CTSS: variants seen among roughly 807,000 people sequenced by gnomAD.
The protein encoded by CTSS is cathepsin S.
A neutral mutation model predicts 39.9 loss-of-function variants in CTSS; 15 were observed. The ratio of observed to expected loss-of-function variants is 0.38; its 90% CI spans 0.25 to 0.58. The LOEUF (loss-of-function observed/expected upper bound fraction) is 0.58. CTSS is among the 20% of genes least tolerant of loss of function. CTSS has a pLI of 0.70. For synonymous variants in CTSS, 126 were observed against 138.2 expected (o/e 0.91, Z 0.62); for missense variants, 250 against 398.2 (o/e 0.63, Z 3.17).
At chr1:150,762,454 G>A (rs587625383) in intron 2 of CTSS, among the ~76,000 whole-genome samples, 22 of 152,108 alleles carry the variant, frequency 1.4e-4, no homozygotes, top group Admixed American at 5.2e-4. Flanking sequence ...AAAAGCTTTC[G>A]TACAATAAAG....
At chr1:150,737,070 T>C (rs1384923122) in intron 7 of CTSS, among the ~76,000 whole-genome samples, 6 of 152,158 alleles carry the variant, frequency 3.9e-5, no homozygotes, top group Non-Finnish European at 7.3e-5. Flanking sequence ...TATCCAGGTA[T>C]GAGTACATCA....
Position 150,749,988 on chromosome 1 carries a change from G to A in CTSS, c.793+18C>T, listed in dbSNP as rs201032560. On this transcript the variant is annotated intron_variant, in intron 6 of 7. Coordinates refer to ENST00000368985, the MANE Select transcript of CTSS (RefSeq NM_004079.5). Reference sequence around the variant, plus strand: ...TTTCTTTCTTTAAATTCTAATTATTGTTTATTTTATTTTTTACCACTTCTG... The same window carrying A: ...TTTCTTTCTTTAAATTCTAATTATTATTTATTTTATTTTTTACCACTTCTG... 1 of 1,574,962 alleles carries A rather than the reference G, an allele frequency of 6.3e-7. No homozygotes were observed. Among genetic ancestry groups the A allele is most frequent in the Non-Finnish European group, 8.7e-7 (1 of 1,155,470 alleles).
rs137874193 is a variant in CTSS, at chr1:150,752,600, C to G, written c.400-592G>C. Among the ~76,000 whole-genome samples, 92 of 152,244 alleles carry G rather than the reference C, an allele frequency of 6.0e-4. No homozygotes were observed. In the Middle Eastern group the frequency reaches 0.01, roughly 17 times the overall value. On this transcript the variant is annotated intron_variant, in intron 4 of 7. Coordinates refer to ENST00000368985, the MANE Select transcript of CTSS (RefSeq NM_004079.5). ...AATTGTTCTCTTTCTCTCTCCTTCC[C>G]TCCTCCCACCTTGCTCTCCACCAAA...
intron 4 of CTSS, 34 bp downstream of exon 4, chr1:150,754,967 C>G: frequency 6.3e-7 from 1 of 1,598,896 alleles, no homozygotes; most frequent in Non-Finnish European, 8.5e-7. Flanking sequence ...AGAGCTCTAC[C>G]TAGGGTTCAG....
intron 2 of CTSS, among the ~76,000 whole-genome samples, chr1:150,763,009 C>T (rs1174691567): frequency 2.6e-5 from 4 of 151,268 alleles, no homozygotes; most frequent in Admixed American, 6.6e-5. Context: ...AGCCAAGATA[C>T]GGAATCAACC....
chr1:150,736,266 A>G (rs1652633979), intron 7 of CTSS, among the ~76,000 whole-genome samples: 1 of 152,188 alleles, frequency 6.6e-6, no homozygotes, highest in Non-Finnish European at 1.5e-5. Flanking sequence ...TGAGGTGAAT[A>G]TTATCTTCTT....
intron 7 of CTSS, among the ~76,000 whole-genome samples, chr1:150,740,006 A>T (rs587600068): frequency 6.6e-6 from 1 of 152,206 alleles, no homozygotes; most frequent in East Asian, 1.9e-4. Flanking sequence ...CCATTAGACT[A>T]TGAGTACCTT....
chr1:150,741,673 T>C (rs988095557), intron 7 of CTSS, among the ~76,000 whole-genome samples: 3 of 152,088 alleles, frequency 2.0e-5, no homozygotes, highest in African/African-American at 7.2e-5. Context: ...CAGGAGTTGG[T>C]AGACCAGCCT....
chr1:150,741,741 G>T (rs1275705520), intron 7 of CTSS, among the ~76,000 whole-genome samples: 3 of 151,774 alleles, frequency 2.0e-5, no homozygotes, highest in Non-Finnish European at 2.9e-5. Context: ...CAGGTGTTTT[G>T]GTGGGCACCT....
chr1:150,758,708 T>C (rs980996003), intron 2 of CTSS, among the ~76,000 whole-genome samples: 2 of 151,868 alleles, frequency 1.3e-5, no homozygotes, highest in African/African-American at 4.8e-5. Context: ...AGCCAGTTTT[T>C]CTGTTTGTTT....
chr1:150,752,299 A>G (rs1653024042), intron 4 of CTSS, among the ~76,000 whole-genome samples: 1 of 152,192 alleles, frequency 6.6e-6, no homozygotes, highest in African/African-American at 2.4e-5. Context: ...CATGTACCAA[A>G]TTGCACCTAT....
rs1008343358 is a variant in CTSS, at chr1:150,733,042, T to G, written c.*4A>C. The G allele has an allele frequency of 6.3e-7, 1 of 1,595,200 alleles. No individual in the cohort carries two copies. The highest frequency in any genetic ancestry group is 8.6e-7 in the Non-Finnish European group (1 of 1,164,480). Reference sequence around the variant, plus strand: ...CTTGATTTGTTATAAAAAGGAGAGATCCTCTAGATTTCTGGGTAAGAGGGA... The same window carrying G: ...CTTGATTTGTTATAAAAAGGAGAGAGCCTCTAGATTTCTGGGTAAGAGGGA... On this transcript the variant is annotated 3_prime_UTR_variant, in exon 8 of 8. Transcript: ENST00000368985.
At chr1:150,754,931 A>G in intron 4 of CTSS, 70 bp downstream of exon 4, 2 of 1,493,652 alleles carry the variant, frequency 1.3e-6, no homozygotes, top group Admixed American at 2.1e-5. Context: ...TCACTGTCAA[A>G]TTCTGTAGCT....
At position 150,747,831 on chromosome 1, in the gene CTSS, A is replaced by G; in HGVS notation, c.842T>C (p.Leu281Pro). The change falls in exon 7 of 8, where the codon CTT becomes CCT. Residue 281 changes from leucine (L) to proline (P), a missense_variant. Physicochemically the swap from Leu to Pro is moderately conservative, Grantham distance 98. Coordinates refer to ENST00000368985, the MANE Select transcript of CTSS (RefSeq NM_004079.5). The part of the protein sequence containing the change: ...SCTQNVNHGV[L>P]VVGYGDLNGK... ...ATTAAGATCACCATAGCCAACCACA[A>G]GTACACCATGATTCACATTCTGAGT... 6.2e-7 allele frequency: 1 copy of G among 1,614,004 alleles called. No homozygotes were observed. Among genetic ancestry groups the G allele is most frequent in the Non-Finnish European group, 8.5e-7 (1 of 1,179,896 alleles).
intron 2 of CTSS, among the ~76,000 whole-genome samples, chr1:150,761,196 AAGAG>A (rs1557815105): frequency 1.4e-5 from 2 of 142,002 alleles, no homozygotes; most frequent in African/African-American, 5.1e-5. Context: ...AAAAAAAAAA[AAGAG>A]AGAAGAAAGA....
chr1:150,743,627 GTATACATAATATATTATATATGTA>G (rs1329043352), intron 7 of CTSS, among the ~76,000 whole-genome samples: 84 of 81,400 alleles, frequency 1.0e-3, no homozygotes, highest in Middle Eastern at 8.3e-3. Flanking sequence ...TGTATATTAT[GTATACATAATATATTATATATGTA>G]TATTATGTAT....
chr1:150,755,493 A>G (rs1653104517), intron 3 of CTSS, among the ~76,000 whole-genome samples: 1 of 152,194 alleles, frequency 6.6e-6, no homozygotes, highest in African/African-American at 2.4e-5. Context: ...CAATCCCAGC[A>G]CTTTGGGAGG....
Position 150,732,988 on chromosome 1 carries a change from ATTAAG to A in CTSS, c.*53_*57del, listed in dbSNP as rs1286094287. 3.0e-5 allele frequency: 36 copies of A among 1,216,832 alleles called. No homozygotes were observed. Among genetic ancestry groups the A allele is most frequent in the South Asian group, 5.1e-5 (4 of 79,064 alleles). The allele number at this position is 1,216,832 out of a possible 1,614,324, so 75.4% of individuals were successfully genotyped here. On this transcript the variant is annotated 3_prime_UTR_variant, in exon 8 of 8. Coordinates refer to ENST00000368985, the MANE Select transcript of CTSS (RefSeq NM_004079.5). ...ATTTCTTCTGGATACAGCAGGAAAA[ATTAAG>A]TTAAGAGAAAGTGCTTCATATTTCT...
At chr1:150,745,937 T>C (rs1240189113) in intron 7 of CTSS, among the ~76,000 whole-genome samples, 1 of 152,098 alleles carries the variant, frequency 6.6e-6, no homozygotes, top group African/African-American at 2.4e-5. Flanking sequence ...TCAAATGAAA[T>C]AACACATCCA....
Sources: allele counts gnomAD v4.1 joint callset (sites outside exome capture counted in the v4.1 genomes callset), GRCh38; gene constraint gnomAD v4.1.1; transcripts MANE v1.5; gene names NCBI Gene and HGNC (gene_info 2026-07-23, HGNC 2026-07-21).